Variants in GALNT13 observed in about 807,000 individuals in gnomAD.
GALNT13 encodes the protein UDP-GalNAc:polypeptide N-acetylgalactosaminyltransferase 13.
In GALNT13, 28 loss-of-function variants were observed where a neutral mutation model predicts 64.2. The observed-to-expected ratio is 0.44, with a 90% CI of 0.32 to 0.60. The LOEUF is 0.60. Ranked by LOEUF, GALNT13 falls within the 20% of genes least tolerant of loss-of-function variation. The pLI is 0.05. For missense variants in GALNT13, 577 were observed against 669.8 expected (o/e 0.86, Z 1.53); for synonymous variants, 214 against 224.6 (o/e 0.95, Z 0.42).
chr2:153,405,424 ATAGGTAACC>A, the GALNT13 span, among the ~76,000 whole-genome samples: 2 of 152,212 alleles, frequency 1.3e-5, no homozygotes, highest in East Asian at 3.9e-4. Context: ...CTTTGCATCC[ATAGGTAACC>A]TATAACACTT....
At chr2:153,973,968 T>C (rs921863201) in intron 3 of GALNT13, among the ~76,000 whole-genome samples, 32 of 152,002 alleles carry the variant, frequency 2.1e-4, no homozygotes, top group African/African-American at 6.5e-4. Flanking sequence ...GGTCCACATC[T>C]CAAGCTGAAG....
At chr2:153,157,410 G>T in the GALNT13 span, among the ~76,000 whole-genome samples, 1 of 152,244 alleles carries the variant, frequency 6.6e-6, no homozygotes, top group South Asian at 2.1e-4. Context: ...ACATTGCAAT[G>T]GGCTCTGTGT....
the GALNT13 span, among the ~76,000 whole-genome samples, chr2:153,191,016 A>G: frequency 6.6e-6 from 1 of 152,038 alleles, no homozygotes; most frequent in Non-Finnish European, 1.5e-5. Context: ...TGTCATCCAC[A>G]AAGAAGGACA....
At chr2:153,391,172 G>A in the GALNT13 span, among the ~76,000 whole-genome samples, 1 of 152,028 alleles carries the variant, frequency 6.6e-6, no homozygotes, top group African/African-American at 2.4e-5. Context: ...TACTCTGAGG[G>A]AAATGAGAGG....
intron 9 of GALNT13, among the ~76,000 whole-genome samples, chr2:154,355,872 G>GA (rs1201150101): frequency 6.6e-6 from 1 of 152,020 alleles, no homozygotes; most frequent in Admixed American, 6.6e-5. Flanking sequence ...AGTGTACCAA[G>GA]AAGAGGATTT....
intron 2 of GALNT13, among the ~76,000 whole-genome samples, chr2:153,925,780 T>C (rs575128022): frequency 2.0e-5 from 3 of 152,226 alleles, no homozygotes; most frequent in Non-Finnish European, 4.4e-5. Context: ...TTATTTCCCT[T>C]GTCAGTTGTA....
chr2:153,803,659 T>C, the GALNT13 span, among the ~76,000 whole-genome samples: 1 of 130,252 alleles, frequency 7.7e-6, no homozygotes, highest in Admixed American at 9.2e-5. Flanking sequence ...GCCACTGCAC[T>C]CCAGCCTGGG....
chr2:154,161,299 G>C (rs1190737542), intron 4 of GALNT13, among the ~76,000 whole-genome samples: 2 of 152,118 alleles, frequency 1.3e-5, no homozygotes, highest in Non-Finnish European at 2.9e-5. Flanking sequence ...TATTCTGCTA[G>C]AATGTATATT....
intron 3 of GALNT13, among the ~76,000 whole-genome samples, chr2:154,012,869 T>C (rs1197289218): frequency 1.3e-5 from 2 of 152,136 alleles, no homozygotes; most frequent in Non-Finnish European, 2.9e-5. Context: ...TTTGTGATTA[T>C]ATTATGGAAT....
At chr2:154,096,733 GTAATGAC>G (rs1287700373) in intron 3 of GALNT13, among the ~76,000 whole-genome samples, 1 of 152,068 alleles carries the variant, frequency 6.6e-6, no homozygotes, top group Non-Finnish European at 1.5e-5. Flanking sequence ...ATCCTTGGTA[GTAATGAC>G]TATGAAGAGC....
chr2:154,393,843 C>A (rs1698916533), intron 9 of GALNT13, among the ~76,000 whole-genome samples: 2 of 151,676 alleles, frequency 1.3e-5, no homozygotes, highest in South Asian at 4.1e-4. Flanking sequence ...CTTTGGGAGG[C>A]CGAGGCGGGC....
the GALNT13 span, among the ~76,000 whole-genome samples, chr2:153,832,163 A>G: frequency 6.6e-6 from 1 of 152,192 alleles, no homozygotes; most frequent in African/African-American, 2.4e-5. Context: ...ATGCCTGAAT[A>G]ATCTGACTGT....
At chr2:153,749,758 A>C in the GALNT13 span, among the ~76,000 whole-genome samples, 1 of 151,920 alleles carries the variant, frequency 6.6e-6, no homozygotes, top group Non-Finnish European at 1.5e-5. Context: ...TTTCAAATAT[A>C]AGATCATATC....
intron 3 of GALNT13, among the ~76,000 whole-genome samples, chr2:154,128,926 T>C (rs1682453188): frequency 6.6e-6 from 1 of 152,280 alleles, no homozygotes; most frequent in South Asian, 2.1e-4. Context: ...GAATAATTGA[T>C]ATAATTTCAT....
chr2:154,192,333 G>A (rs990495798), intron 4 of GALNT13, among the ~76,000 whole-genome samples: 3 of 152,180 alleles, frequency 2.0e-5, no homozygotes, highest in Non-Finnish European at 4.4e-5. Flanking sequence ...CAACATCTGG[G>A]TGCGAAGCCA....
chr2:153,401,263 T>C, the GALNT13 span, among the ~76,000 whole-genome samples: 2 of 152,110 alleles, frequency 1.3e-5, no homozygotes, highest in African/African-American at 2.4e-5. Context: ...TCCTGAGTTC[T>C]AGTTTGATTG....
At chr2:153,351,275 A>G in the GALNT13 span, among the ~76,000 whole-genome samples, 1 of 152,184 alleles carries the variant, frequency 6.6e-6, no homozygotes, top group Non-Finnish European at 1.5e-5. Flanking sequence ...TACAATAACG[A>G]GGCTAAAGTT....
intron 2 of GALNT13, among the ~76,000 whole-genome samples, chr2:153,906,447 C>T (rs1688571727): frequency 6.8e-6 from 1 of 147,814 alleles, no homozygotes; most frequent in Admixed American, 6.8e-5. Context: ...TTCCTGTGTC[C>T]ATGTGTTCTC....
chr2:153,651,737 A>G, the GALNT13 span, among the ~76,000 whole-genome samples: 1 of 152,148 alleles, frequency 6.6e-6, no homozygotes, highest in East Asian at 1.9e-4. Flanking sequence ...AGAAATGGTG[A>G]TGTGTTAGGA....
Sources: gnomAD v4.1 joint callset for allele counts (sites outside exome capture counted in the v4.1 genomes callset) on GRCh38, gnomAD v4.1.1 for gene constraint, MANE v1.5 for transcripts, NCBI Gene and HGNC (gene_info 2026-07-23, HGNC 2026-07-21) for gene names.